TBC1D14: variants seen among roughly 807,000 people sequenced by gnomAD.
TBC1D14 encodes TBC1 domain family member 14.
TBC1D14 carries 26 observed loss-of-function variants against 79.0 expected under a neutral mutation model. The ratio of observed to expected loss-of-function variants is 0.33; its 90% CI spans 0.24 to 0.46. TBC1D14 has a LOEUF of 0.46. Among genes scored for constraint, TBC1D14 ranks in the 20% least tolerant of loss-of-function variants. TBC1D14 has a pLI of 1.00. For synonymous variants in TBC1D14, 394 were observed against 349.9 expected (o/e 1.13, Z -1.40); for missense variants, 769 against 887.6 (o/e 0.87, Z 1.70).
At chr4:6,942,359 C>G (rs756195886) in intron 2 of TBC1D14, among the ~76,000 whole-genome samples, 4 of 152,098 alleles carry the variant, frequency 2.6e-5, no homozygotes, top group Non-Finnish European at 4.4e-5. Context: ...TGTTTCAACT[C>G]CAGTTTTGCT....
rs558931125 is a variant in TBC1D14, at chr4:6,987,532, G to C, written c.844-6652G>C. ...TATCTGTCCTCAACAGCCGAAGCTT[G>C]CTGTGCATGCTGCTGATGCGCTCTC... On this transcript the variant is annotated intron_variant, in intron 3 of 13. Coordinates refer to ENST00000409757, the MANE Select transcript of TBC1D14 (RefSeq NM_020773.3). 1.1e-5 allele frequency: 5 copies of C among 460,854 alleles called. No individual in the cohort carries two copies. The South Asian group carries it at 4.2e-4, about 38-fold the overall frequency. 28.5% of individuals were successfully genotyped at this position (460,854 alleles called of 1,614,324 possible). A position where few individuals can be genotyped will look rare whatever the true frequency, so the allele number is the denominator to read the frequency against.
At chr4:7,001,316 G>T (rs934344585) in intron 7 of TBC1D14, 65 bp downstream of exon 7, 3 of 1,377,336 alleles carry the variant, frequency 2.2e-6, no homozygotes, top group Admixed American at 3.7e-5. Context: ...TCTCCCTTTT[G>T]CCCTGTTGGA....
At chr4:7,009,341 G>A (rs1166770688) in intron 9 of TBC1D14, among the ~76,000 whole-genome samples, 1 of 152,250 alleles carries the variant, frequency 6.6e-6, no homozygotes, top group Non-Finnish European at 1.5e-5. Context: ...TGTTAGAGGG[G>A]TGGAAGAGCT....
chr4:6,932,098 G>A (rs1417014074), intron 2 of TBC1D14, among the ~76,000 whole-genome samples: 3 of 152,062 alleles, frequency 2.0e-5, no homozygotes, highest in African/African-American at 7.2e-5. Flanking sequence ...GGTGGCTCAC[G>A]CCTGTAATCC....
At chr4:7,023,185 G>A (rs1417810602) in intron 12 of TBC1D14, among the ~76,000 whole-genome samples, 1 of 152,178 alleles carries the variant, frequency 6.6e-6, no homozygotes, top group Non-Finnish European at 1.5e-5. Flanking sequence ...CCTGGGAGGT[G>A]GAGGTTGCAG....
intron 3 of TBC1D14, among the ~76,000 whole-genome samples, chr4:6,991,829 C>T (rs1052715107): frequency 9.9e-5 from 15 of 152,196 alleles, no homozygotes; most frequent in Admixed American, 5.9e-4. Flanking sequence ...TAGCGTCAGC[C>T]GCCGCCACTG....
chr4:6,961,558 GGCACTTAATGGGCAGAGGGA>G (rs1448020990), intron 2 of TBC1D14, among the ~76,000 whole-genome samples: 1 of 152,170 alleles, frequency 6.6e-6, no homozygotes, highest in Non-Finnish European at 1.5e-5. Flanking sequence ...TCCTCTCGGG[GGCACTTAATGGGCAGAGGGA>G]GCAGCCTGTG....
At chr4:6,924,163 T>G (rs778734601) in intron 2 of TBC1D14, 52 bp downstream of exon 2, 18 of 1,545,840 alleles carry the variant, frequency 1.2e-5, no homozygotes, top group East Asian at 2.3e-5. Context: ...TCCAGACCAG[T>G]CTCCTTGTTC....
At chr4:6,925,649 A>G (rs1381590268) in intron 2 of TBC1D14, among the ~76,000 whole-genome samples, 1 of 152,168 alleles carries the variant, frequency 6.6e-6, no homozygotes, top group Non-Finnish European at 1.5e-5. Flanking sequence ...TGGTACCATG[A>G]GCACAGTTCC....
At chr4:7,016,451 C>A (rs912132469) in intron 12 of TBC1D14, among the ~76,000 whole-genome samples, 2 of 152,220 alleles carry the variant, frequency 1.3e-5, no homozygotes, top group South Asian at 4.1e-4. Context: ...TGGCTGGGGC[C>A]CGCGGTGCTG....
intron 1 of TBC1D14, among the ~76,000 whole-genome samples, chr4:6,916,129 G>GAAA (rs5855936): frequency 5.0e-5 from 7 of 139,570 alleles, no homozygotes; most frequent in African/African-American, 8.0e-5. Context: ...TCCATCTCAG[G>GAAA]AAAAAAAAAA....
chr4:7,014,598 GC>G, intron 12 of TBC1D14, 41 bp downstream of exon 12: 1 of 1,389,522 alleles, frequency 7.2e-7, no homozygotes, highest in South Asian at 1.2e-5. Context: ...GCATTTCTCA[GC>G]CCTTGTCTGT....
At chr4:6,914,135 C>CA (rs34129252) in intron 1 of TBC1D14, among the ~76,000 whole-genome samples, 2,272 of 137,434 alleles carry the variant, frequency 0.017, 35 homozygotes, top group Middle Eastern at 0.063. Context: ...GACCCCATCT[C>CA]AAAAAAAAAA....
chr4:6,922,139 A>C (rs1433962911), intron 1 of TBC1D14, among the ~76,000 whole-genome samples: 1 of 151,910 alleles, frequency 6.6e-6, no homozygotes, highest in Non-Finnish European at 1.5e-5. Context: ...CACAGCCTTA[A>C]ACCTCCCAGG....
intron 2 of TBC1D14, among the ~76,000 whole-genome samples, chr4:6,924,552 G>A (rs934416904): frequency 1.3e-5 from 2 of 152,300 alleles, no homozygotes; most frequent in East Asian, 1.9e-4. Flanking sequence ...TGTTCCAGCC[G>A]TGTCCCCGTG....
intron 2 of TBC1D14, among the ~76,000 whole-genome samples, chr4:6,944,374 G>C (rs996540072): frequency 1.3e-5 from 2 of 152,076 alleles, no homozygotes; most frequent in Non-Finnish European, 2.9e-5. Context: ...GGCTTTTTGC[G>C]TCTGCGTTTT....
chr4:7,016,956 T>TTGA (rs1721346724), intron 12 of TBC1D14, among the ~76,000 whole-genome samples: 1 of 152,130 alleles, frequency 6.6e-6, no homozygotes, highest in South Asian at 2.1e-4. Context: ...TTTGAACCCT[T>TTGA]GGAACAACCT....
In TBC1D14 at chr4:7,009,860, T is replaced by C; in HGVS notation, c.1447-17T>C. 5 of 1,614,170 alleles carry C rather than the reference T, an allele frequency of 3.1e-6. No homozygotes were observed. The highest frequency in any genetic ancestry group is 4.2e-6 in the Non-Finnish European group (5 of 1,179,986). ...GTACTCATGCATGTGTTGTTTTTGC[T>C]GTGTTGATCCTTTTAGGGTGGTCCA... On this transcript the variant is annotated splice_polypyrimidine_tract_variant and intron_variant, in intron 9 of 13. Transcript: ENST00000409757.
At chr4:6,934,220 G>T (rs1162409864) in intron 2 of TBC1D14, among the ~76,000 whole-genome samples, 1 of 151,938 alleles carries the variant, frequency 6.6e-6, no homozygotes, top group East Asian at 1.9e-4. Flanking sequence ...GTGAGCCTGA[G>T]GCCTGCCGGC....
Sources: gnomAD v4.1 joint callset for allele counts (sites outside exome capture counted in the v4.1 genomes callset) on GRCh38, gnomAD v4.1.1 for gene constraint, MANE v1.5 for transcripts, NCBI Gene and HGNC (gene_info 2026-07-23, HGNC 2026-07-21) for gene names.